ACBD6: variants seen among roughly 807,000 people sequenced by gnomAD.
The protein encoded by ACBD6 is acyl-CoA binding domain containing 6.
Under a neutral mutation model 37.2 loss-of-function variants are expected in ACBD6, and 28 were observed. That is an observed-to-expected ratio of 0.75 (90% CI 0.56 to 1.03). The LOEUF (loss-of-function observed/expected upper bound fraction) is 1.03. Among genes scored for constraint, ACBD6 ranks in the 50% least tolerant of loss-of-function variants. The pLI, the probability that ACBD6 is intolerant of heterozygous loss-of-function variation, is 0.00. For synonymous variants in ACBD6, 113 were observed against 126.8 expected (o/e 0.89, Z 0.73); for missense variants, 340 against 337.4 (o/e 1.01, Z -0.06).
intron 6 of ACBD6, among the ~76,000 whole-genome samples, chr1:180,361,985 T>C (rs1652872328): frequency 6.6e-6 from 1 of 152,022 alleles, no homozygotes. Context: ...TAGGGAACTT[T>C]TAAAAAATGA....
chr1:180,393,860 T>C (rs571440226), intron 6 of ACBD6, among the ~76,000 whole-genome samples: 2 of 152,184 alleles, frequency 1.3e-5, no homozygotes, highest in Non-Finnish European at 2.9e-5. Context: ...GGCAGGCATA[T>C]AATTCTAACA....
chr1:180,278,411 C>G (rs746558196), intron 9 of ACBD6: 1 of 152,140 alleles, frequency 6.6e-6, no homozygotes, highest in Non-Finnish European at 1.5e-5. Flanking sequence ...CAGTGAGTGA[C>G]TGGAGCCAAA....
chr1:180,310,605 C>A (rs1650548215), intron 7 of ACBD6, among the ~76,000 whole-genome samples: 1 of 152,142 alleles, frequency 6.6e-6, no homozygotes, highest in Non-Finnish European at 1.5e-5. Context: ...TTGACTACTA[C>A]AAATATGCTT....
intron 5 of ACBD6, among the ~76,000 whole-genome samples, chr1:180,409,907 A>C (rs764858180): frequency 1.3e-5 from 2 of 152,244 alleles, no homozygotes; most frequent in African/African-American, 4.8e-5. Flanking sequence ...GAAAACCAAC[A>C]CAGGCCAAAA....
intron 3 of ACBD6, among the ~76,000 whole-genome samples, chr1:180,430,770 TAAAAG>T: frequency 6.8e-6 from 1 of 148,056 alleles, no homozygotes; most frequent in East Asian, 2.0e-4. Flanking sequence ...ATATCTCAAA[TAAAAG>T]AAAAAAGAAG....
chr1:180,485,530 G>A (rs1166613994), intron 3 of ACBD6, among the ~76,000 whole-genome samples: 1 of 152,210 alleles, frequency 6.6e-6, no homozygotes, highest in African/African-American at 2.4e-5. Flanking sequence ...TAAGAATGGA[G>A]CTGGGCTGCC....
At chr1:180,402,302 T>C (rs557447416) in intron 5 of ACBD6, among the ~76,000 whole-genome samples, 5 of 152,286 alleles carry the variant, frequency 3.3e-5, no homozygotes, top group Admixed American at 6.5e-5. Flanking sequence ...GATTGAAAGA[T>C]AGTCTAACAT....
intron 3 of ACBD6, among the ~76,000 whole-genome samples, chr1:180,465,822 A>G (rs1229071370): frequency 6.6e-6 from 1 of 152,208 alleles, no homozygotes. Context: ...ACAGAATATT[A>G]TGGAGCCATT....
downstream of ACBD6, among the ~76,000 whole-genome samples, chr1:180,286,102 GT>G (rs376933308): frequency 2.0e-5 from 3 of 152,110 alleles, no homozygotes; most frequent in African/African-American, 7.2e-5. Context: ...CTAGAACAGT[GT>G]TTTAAGGCAC....
At chr1:180,290,426 C>A (rs6688844) in intron 7 of ACBD6, among the ~76,000 whole-genome samples, 1 of 152,042 alleles carries the variant, frequency 6.6e-6, no homozygotes, top group East Asian at 1.9e-4. Flanking sequence ...ATCCTCCCGC[C>A]TTGGCCTCCC....
intron 3 of ACBD6, among the ~76,000 whole-genome samples, chr1:180,489,744 C>T (rs189292235): frequency 2.4e-4 from 37 of 151,868 alleles, no homozygotes; most frequent in Non-Finnish European, 4.6e-4. Flanking sequence ...GCAACCTCTG[C>T]CTCCCGGGTT....
chr1:180,442,459 G>A lies in ACBD6; in HGVS notation c.385-12197C>T, dbSNP rs539723189. On this transcript the variant is annotated intron_variant, in intron 3 of 7. Transcript: ENST00000367595. ...CCATAAAGAAGAATTTTCTGGCCCA[G>A]AATATCAATGGAGCAAAGATTGAAA... Among the ~76,000 whole-genome samples the A allele has an allele frequency of 2.0e-5, 3 of 152,250 alleles. No individual in the cohort carries two copies. The East Asian group carries it at 5.8e-4, about 29-fold the overall frequency.
At chr1:180,272,253 A>G (rs1648716260) in intron 13 of ACBD6, among the ~76,000 whole-genome samples, 1 of 152,116 alleles carries the variant, frequency 6.6e-6, no homozygotes. Context: ...TGTGGCCCCA[A>G]GGTCTCCCCT....
At chr1:180,318,194 GA>G (rs1389310954) in intron 6 of ACBD6, among the ~76,000 whole-genome samples, 1 of 98,058 alleles carries the variant, frequency 1.0e-5, no homozygotes, top group South Asian at 3.2e-4. Context: ...AAGAAAGAAA[GA>G]AAAAAAAGGA....
chr1:180,304,653 A>G (rs1272344465), intron 7 of ACBD6, among the ~76,000 whole-genome samples: 1 of 150,968 alleles, frequency 6.6e-6, no homozygotes, highest in Non-Finnish European at 1.5e-5. Flanking sequence ...GGAAGAATCA[A>G]TATCATGAAA....
chr1:180,335,290 C>T (rs1651659087), intron 6 of ACBD6, among the ~76,000 whole-genome samples: 1 of 152,130 alleles, frequency 6.6e-6, no homozygotes, highest in Non-Finnish European at 1.5e-5. Flanking sequence ...AAAGGGAAGC[C>T]CGTCATACTA....
chr1:180,452,284 A>G (rs1649737669), intron 3 of ACBD6, among the ~76,000 whole-genome samples: 1 of 152,116 alleles, frequency 6.6e-6, no homozygotes. Context: ...AGCCTGGCCA[A>G]TATAGTGAAA....
chr1:180,287,578 CTTT>C (rs72179174), downstream of ACBD6, among the ~76,000 whole-genome samples: 2,535 of 71,630 alleles, frequency 0.035, 112 homozygotes, highest in African/African-American at 0.12. Context: ...CAGATCTAAG[CTTT>C]TTTTTTTTTT....
chr1:180,403,732 T>A (rs1647486978), intron 5 of ACBD6, among the ~76,000 whole-genome samples: 1 of 152,196 alleles, frequency 6.6e-6, no homozygotes, highest in African/African-American at 2.4e-5. Flanking sequence ...TACAATGGAA[T>A]ATTATTCATC....
Sources: gnomAD v4.1 joint callset for allele counts (sites outside exome capture counted in the v4.1 genomes callset) on GRCh38, gnomAD v4.1.1 for gene constraint, MANE v1.5 for transcripts, NCBI Gene and HGNC (gene_info 2026-07-23, HGNC 2026-07-21) for gene names.